Variants in FRMD4A observed in about 807,000 individuals in gnomAD.
The protein encoded by FRMD4A is FERM domain-containing protein 4A.
In FRMD4A, 29 loss-of-function variants were observed where a neutral mutation model predicts 129.1. That is an observed-to-expected ratio of 0.22 (90% CI 0.17 to 0.31). The LOEUF (loss-of-function observed/expected upper bound fraction) is 0.31. FRMD4A is among the 10% of genes least tolerant of loss of function. The pLI, the probability that FRMD4A is intolerant of heterozygous loss-of-function variation, is 1.00. For synonymous variants in FRMD4A, 634 were observed against 571.6 expected (o/e 1.11, Z -1.56); for missense variants, 1,272 against 1,375.8 (o/e 0.92, Z 1.19).
chr10:13,989,188 A>G (rs4748069), intron 2 of FRMD4A, among the ~76,000 whole-genome samples: 41,506 of 151,938 alleles, frequency 0.27, 6,446 homozygotes, highest in East Asian at 0.6. Context: ...ACTGCGTCTT[A>G]GCGGTAGTGG....
intron 12 of FRMD4A, among the ~76,000 whole-genome samples, chr10:13,737,064 A>G (rs1010063131): frequency 6.7e-6 from 1 of 149,770 alleles, no homozygotes; most frequent in Admixed American, 7.0e-5. Context: ...GATTTCCAGG[A>G]AACCCTCTCT....
Position 13,927,146 on chromosome 10 carries a change from A to C in FRMD4A, c.46-68234T>G, listed in dbSNP as rs530664576. The stretch of plus-strand genomic sequence containing the variant: ...GTGGCACACACCTGTAATCCCAGCT[A>C]CTGGGGAGGTGGAGGCAGGAGAATC... On this transcript the variant is annotated intron_variant, in intron 2 of 24. Coordinates refer to ENST00000357447, the MANE Select transcript of FRMD4A (RefSeq NM_018027.5). Among the ~76,000 whole-genome samples the C allele has an allele frequency of 3.3e-5, 5 of 152,294 alleles. No homozygotes were observed. In the South Asian group the frequency reaches 1.0e-3, roughly 32 times the overall value.
chr10:13,683,160 A>G (rs966226729), intron 15 of FRMD4A, among the ~76,000 whole-genome samples: 20 of 152,134 alleles, frequency 1.3e-4, no homozygotes, highest in African/African-American at 4.6e-4. Context: ...CTGGGATTAC[A>G]GCGCGCCACA....
chr10:13,841,345 C>G (rs2093962151), intron 3 of FRMD4A, among the ~76,000 whole-genome samples: 1 of 152,142 alleles, frequency 6.6e-6, no homozygotes, highest in African/African-American at 2.4e-5. Flanking sequence ...ATAGGATTAT[C>G]TTTGTTATTC....
In FRMD4A at chr10:13,704,027, C is replaced by A. The variant is rs544590430; in HGVS notation, c.837-2549G>T. On this transcript the variant is annotated intron_variant, in intron 13 of 24. Transcript: ENST00000357447. ...TCAAAAAACAAAACAAACAAACAAA[C>A]AAAAAAACACTCAAGGCCATGGATA... Among the ~76,000 whole-genome samples the A allele has an allele frequency of 1.5e-4, 22 of 151,314 alleles. No homozygotes were observed. In the East Asian group the frequency reaches 3.6e-3, roughly 25 times the overall value.
chr10:14,072,537 A>G (rs938180084), intron 2 of FRMD4A, among the ~76,000 whole-genome samples: 3 of 152,224 alleles, frequency 2.0e-5, no homozygotes, highest in East Asian at 3.8e-4. Context: ...TTAAGTTACC[A>G]CAAGAAGCAA....
At chr10:14,292,270 C>G (rs1452034569) in intron 2 of FRMD4A, among the ~76,000 whole-genome samples, 1 of 152,134 alleles carries the variant, frequency 6.6e-6, no homozygotes, top group Admixed American at 6.5e-5. Flanking sequence ...GTAGTTAAGA[C>G]AGTGAGATAC....
intron 2 of FRMD4A, among the ~76,000 whole-genome samples, chr10:14,133,352 TG>T (rs1463881190): frequency 6.6e-6 from 1 of 152,206 alleles, no homozygotes; most frequent in Non-Finnish European, 1.5e-5. Flanking sequence ...ATTAGGTTGG[TG>T]AAAAAGTACC....
chr10:14,040,640 G>A (rs541303098), intron 2 of FRMD4A, among the ~76,000 whole-genome samples: 20 of 152,166 alleles, frequency 1.3e-4, no homozygotes, highest in Non-Finnish European at 2.2e-4. Context: ...TGGTGCCTGC[G>A]ACCAGAATCT....
At position 13,798,609 on chromosome 10, in the gene FRMD4A, C is replaced by A. The variant is rs538523930; in HGVS notation, c.207-2021G>T. On this transcript the variant is annotated intron_variant, in intron 4 of 24. Coordinates refer to ENST00000357447, the MANE Select transcript of FRMD4A (RefSeq NM_018027.5). ...GCAGGCGCCTGTAGTCCCAGCTACT[C>A]AGGAGGCTGAAGCAGGAGAATGGCA... Among the ~76,000 whole-genome samples, 153 of 152,230 alleles carry A rather than the reference C, an allele frequency of 1.0e-3. 3 individuals are homozygous for A. The highest frequency in any genetic ancestry group is 8.9e-3 in the Admixed American group (136 of 15,274).
intron 2 of FRMD4A, among the ~76,000 whole-genome samples, chr10:14,294,203 T>A (rs7901154): frequency 6.6e-6 from 1 of 152,098 alleles, no homozygotes; most frequent in East Asian, 1.9e-4. Flanking sequence ...TTCTTCTTTA[T>A]ACTAGCCATA....
intron 2 of FRMD4A, among the ~76,000 whole-genome samples, chr10:14,243,574 A>G (rs764096735): frequency 6.6e-6 from 1 of 152,230 alleles, no homozygotes; most frequent in Non-Finnish European, 1.5e-5. Context: ...ATGTGAGTCC[A>G]TGTATATGAG....
chr10:14,028,134 A>AT (rs957146088), intron 2 of FRMD4A, among the ~76,000 whole-genome samples: 1 of 152,144 alleles, frequency 6.6e-6, no homozygotes, highest in African/African-American at 2.4e-5. Flanking sequence ...CCTGTTATAT[A>AT]TTTTTTTGAT....
At chr10:14,093,196 C>T (rs1836756813) in intron 2 of FRMD4A, among the ~76,000 whole-genome samples, 1 of 152,144 alleles carries the variant, frequency 6.6e-6, no homozygotes, top group Non-Finnish European at 1.5e-5. Flanking sequence ...TTTCTGGAAA[C>T]TGACTTTTCA....
intron 15 of FRMD4A, among the ~76,000 whole-genome samples, chr10:13,680,576 A>G (rs1459006157): frequency 6.6e-6 from 1 of 152,052 alleles, no homozygotes; most frequent in Non-Finnish European, 1.5e-5. Flanking sequence ...AAATACAAAA[A>G]TCAGCTGGGC....
At chr10:13,835,216 T>A (rs563215603) in intron 3 of FRMD4A, among the ~76,000 whole-genome samples, 1 of 152,346 alleles carries the variant, frequency 6.6e-6, no homozygotes, top group South Asian at 2.1e-4. Flanking sequence ...CTCAGCAACC[T>A]ACTTAACTCT....
intron 2 of FRMD4A, among the ~76,000 whole-genome samples, chr10:14,271,910 GT>G (rs1166583949): frequency 6.6e-6 from 1 of 152,138 alleles, no homozygotes; most frequent in Admixed American, 6.5e-5. Context: ...AGTCTTATCA[GT>G]GGAACTCTTG....
At chr10:14,106,938 T>C (rs931276041) in intron 2 of FRMD4A, among the ~76,000 whole-genome samples, 1 of 152,132 alleles carries the variant, frequency 6.6e-6, no homozygotes, top group Non-Finnish European at 1.5e-5. Flanking sequence ...AGCAAAGACA[T>C]GGACTCAACC....
rs1564555782 is a variant in FRMD4A, at chr10:13,666,082, C to T, written c.1603+15G>A. The T allele has an allele frequency of 6.5e-7, 1 of 1,534,788 alleles. No individual in the cohort carries two copies. Among genetic ancestry groups the T allele is most frequent in the Non-Finnish European group, 9.0e-7 (1 of 1,108,072 alleles). ...GGCGTGGGAGTGGGGTGGGGGCAGC[C>T]CGGTTGGCACTGACCGTCTATGATC... is the stretch of plus-strand genomic sequence containing the variant. On this transcript the variant is annotated intron_variant, in intron 18 of 24. Coordinates refer to ENST00000357447, the MANE Select transcript of FRMD4A (RefSeq NM_018027.5).
Sources: allele counts gnomAD v4.1 joint callset (sites outside exome capture counted in the v4.1 genomes callset), GRCh38; gene constraint gnomAD v4.1.1; transcripts MANE v1.5; gene names NCBI Gene and HGNC (gene_info 2026-07-23, HGNC 2026-07-21).